LRRC4C: variants seen among roughly 807,000 people sequenced by gnomAD.
LRRC4C encodes leucine rich repeat containing 4C, also known as leucine-rich repeat-containing protein 4C.
A neutral mutation model predicts 33.6 loss-of-function variants in LRRC4C; 5 were observed. That is an observed-to-expected ratio of 0.15 (90% CI 0.08 to 0.31). The LOEUF (loss-of-function observed/expected upper bound fraction) is 0.31, where lower values mean the gene tolerates loss of function less well. Among genes scored for constraint, LRRC4C ranks in the 10% least tolerant of loss-of-function variants. The pLI is 1.00. For missense variants in LRRC4C, 560 were observed against 796.7 expected (o/e 0.70, Z 3.58); for synonymous variants, 329 against 302.0 (o/e 1.09, Z -0.93).
chr11:41,316,976 C>A (rs1196149981), intron 1 of LRRC4C, among the ~76,000 whole-genome samples: 1 of 152,168 alleles, frequency 6.6e-6, no homozygotes, highest in African/African-American at 2.4e-5. Flanking sequence ...AGTCAGTTCT[C>A]CCAGACACTC....
At chr11:40,788,476 C>T (rs77927194) in intron 2 of LRRC4C, among the ~76,000 whole-genome samples, 4,339 of 152,164 alleles carry the variant, frequency 0.029, 199 homozygotes, top group African/African-American at 0.098. Flanking sequence ...ATAAAACTGC[C>T]ATCACAGTCA....
intron 1 of LRRC4C, among the ~76,000 whole-genome samples, chr11:40,982,315 T>G (rs1238962461): frequency 6.6e-6 from 1 of 152,218 alleles, no homozygotes; most frequent in African/African-American, 2.4e-5. Flanking sequence ...TACAGTGGTG[T>G]TGAAAAGGAA....
intron 3 of LRRC4C, among the ~76,000 whole-genome samples, chr11:40,565,111 A>C (rs1208325884): frequency 1.3e-5 from 2 of 152,280 alleles, no homozygotes; most frequent in Non-Finnish European, 2.9e-5. Flanking sequence ...GCTGCTCTGA[A>C]ATTAAACTGC....
chr11:40,799,644 A>C (rs1053601426), intron 2 of LRRC4C, among the ~76,000 whole-genome samples: 3 of 152,112 alleles, frequency 2.0e-5, no homozygotes, highest in Non-Finnish European at 2.9e-5. Context: ...TAATTCTTGT[A>C]TTTTTAGTAG....
intron 3 of LRRC4C, among the ~76,000 whole-genome samples, chr11:40,483,211 T>C (rs1258638729): frequency 1.3e-5 from 2 of 152,242 alleles, no homozygotes; most frequent in South Asian, 4.2e-4. Context: ...GGCATCATCT[T>C]ATGCACAGCA....
intron 1 of LRRC4C, among the ~76,000 whole-genome samples, chr11:41,231,804 A>C (rs924158912): frequency 1.3e-5 from 2 of 151,862 alleles, no homozygotes; most frequent in Non-Finnish European, 2.9e-5. Flanking sequence ...TATATATACA[A>C]ATATATGTAG....
rs533326513 is a variant in LRRC4C, at chr11:40,959,882, T to C, written c.-495-26159A>G. On this transcript the variant is annotated intron_variant, in intron 1 of 6. Transcript: ENST00000528697. ...CACAGTGGTATTGTATTATCAACAT[T>C]TGAGGCTACATTTTAGGATTTAGAT... 1.5e-3 allele frequency among the ~76,000 whole-genome samples: 227 copies of C among 151,856 alleles called. 1 individual carries two copies. The highest frequency in any genetic ancestry group is 5.3e-3 in the African/African-American group (222 of 41,502).
chr11:40,725,670 A>T (rs912063103), intron 2 of LRRC4C, among the ~76,000 whole-genome samples: 2 of 152,210 alleles, frequency 1.3e-5, no homozygotes, highest in Admixed American at 1.3e-4. Context: ...GTAATGAAAC[A>T]TATAATGCAT....
At chr11:40,911,042 T>G (rs1474216471) in intron 2 of LRRC4C, among the ~76,000 whole-genome samples, 1 of 152,174 alleles carries the variant, frequency 6.6e-6, no homozygotes, top group East Asian at 1.9e-4. Flanking sequence ...TAAACAAAGC[T>G]GCTGGGAAGC....
chr11:40,484,193 T>C (rs1033866629), intron 3 of LRRC4C, among the ~76,000 whole-genome samples: 1 of 152,122 alleles, frequency 6.6e-6, no homozygotes, highest in African/African-American at 2.4e-5. Context: ...TTCGATCCAA[T>C]AGTCCCACTT....
chr11:40,566,463 G>T (rs1957773099), intron 3 of LRRC4C, among the ~76,000 whole-genome samples: 2 of 152,000 alleles, frequency 1.3e-5, no homozygotes, highest in South Asian at 2.1e-4. Context: ...ATAATAGAGG[G>T]TGATGTGATC....
At chr11:41,456,160 C>T (rs1055094038) in intron 1 of LRRC4C, among the ~76,000 whole-genome samples, 1 of 152,142 alleles carries the variant, frequency 6.6e-6, no homozygotes, top group Non-Finnish European at 1.5e-5. Context: ...CAAGATCCTT[C>T]ATTTTCTGTT....
chr11:40,364,516 C>T lies in LRRC4C; in HGVS notation c.-269-44795G>A, dbSNP rs542226592. On this transcript the variant is annotated intron_variant, in intron 3 of 6. Transcript: ENST00000528697. ...ATGGAACTTGAATACATAGAAACTA[C>T]CTAGAATGAAATTCACATTAAAAAG... Among the ~76,000 whole-genome samples the T allele has an allele frequency of 6.6e-5, 10 of 151,972 alleles. No homozygotes were observed. In the East Asian group the frequency reaches 1.4e-3, roughly 21 times the overall value.
chr11:40,280,639 CA>C (rs1021769166), intron 4 of LRRC4C, among the ~76,000 whole-genome samples: 7 of 152,158 alleles, frequency 4.6e-5, no homozygotes, highest in Non-Finnish European at 1.0e-4. Context: ...CAGAGACCTG[CA>C]ATGCATGCTA....
At chr11:40,962,795 T>C (rs901469097) in intron 1 of LRRC4C, among the ~76,000 whole-genome samples, 4 of 151,728 alleles carry the variant, frequency 2.6e-5, no homozygotes, top group Admixed American at 6.6e-5. Flanking sequence ...CCATAAACTT[T>C]AGGGCAGATT....
intron 5 of LRRC4C, among the ~76,000 whole-genome samples, chr11:40,211,500 GT>G (rs1401786200): frequency 1.3e-5 from 2 of 152,136 alleles, no homozygotes; most frequent in Non-Finnish European, 2.9e-5. Context: ...ATCTAAAAAT[GT>G]AAACAATAAG....
chr11:40,356,322 A>G (rs914379030), intron 3 of LRRC4C, among the ~76,000 whole-genome samples: 2 of 152,232 alleles, frequency 1.3e-5, no homozygotes, highest in Non-Finnish European at 2.9e-5. Flanking sequence ...TATGATGATT[A>G]CATAACTTAG....
chr11:40,875,607 A>G (rs549918725), intron 2 of LRRC4C, among the ~76,000 whole-genome samples: 1 of 152,016 alleles, frequency 6.6e-6, no homozygotes, highest in African/African-American at 2.4e-5. Flanking sequence ...AATCCAATAC[A>G]CTTCTGGTCT....
chr11:40,299,241 A>G (rs16934689), intron 4 of LRRC4C, among the ~76,000 whole-genome samples: 13,338 of 152,230 alleles, frequency 0.088, 689 homozygotes, highest in Admixed American at 0.1. Context: ...GGAAGTCATC[A>G]CTAACTCCTC....
Sources: allele counts gnomAD v4.1 joint callset (sites outside exome capture counted in the v4.1 genomes callset), GRCh38; gene constraint gnomAD v4.1.1; transcripts MANE v1.5; gene names NCBI Gene and HGNC (gene_info 2026-07-23, HGNC 2026-07-21).